Variants in MAX observed in about 807,000 individuals in gnomAD.
MAX encodes the protein MYC associated transcriptional regulator X.
In MAX, 3 loss-of-function variants were observed where a neutral mutation model predicts 22.3. The ratio of observed to expected loss-of-function variants is 0.13; its 90% CI spans 0.06 to 0.35. MAX has a LOEUF of 0.35. MAX is among the 10% of genes least tolerant of loss of function. The pLI is 1.00. For missense variants in MAX, 119 were observed against 209.4 expected (o/e 0.57, Z 2.66); for synonymous variants, 72 against 77.7 (o/e 0.93, Z 0.39).
chr14:65,081,650 A>G (rs1040375147), intron 3 of MAX, among the ~76,000 whole-genome samples: 1 of 152,224 alleles, frequency 6.6e-6, no homozygotes, highest in African/African-American at 2.4e-5. Context: ...AGAACTTGGT[A>G]AGTCAACATG....
intron 3 of MAX, among the ~76,000 whole-genome samples, chr14:65,087,085 C>T (rs2139821909): frequency 6.6e-6 from 1 of 152,290 alleles, no homozygotes; most frequent in South Asian, 2.1e-4. Context: ...TGGTATTGAG[C>T]CTGGGAGTGA....
intron 3 of MAX, among the ~76,000 whole-genome samples, chr14:65,045,419 C>G (rs932812723): frequency 6.9e-6 from 1 of 145,292 alleles, no homozygotes; most frequent in African/African-American, 2.6e-5. Context: ...GTCTTCCCCC[C>G]TCCCCGCCGC....
At chr14:65,038,844 A>G (rs2062276553) in intron 3 of MAX, among the ~76,000 whole-genome samples, 1 of 152,030 alleles carries the variant, frequency 6.6e-6, no homozygotes, top group South Asian at 2.1e-4. Flanking sequence ...TTATTTTTGT[A>G]ATCCTATTTT....
chr14:65,064,135 C>T (rs949521785), intron 3 of MAX, among the ~76,000 whole-genome samples: 8 of 152,170 alleles, frequency 5.3e-5, no homozygotes, highest in Non-Finnish European at 7.3e-5. Flanking sequence ...TAGTTCCACA[C>T]TGCTCTCCCT....
rs1566556363 is a variant in MAX, at chr14:65,030,906, C to G, written c.172-24622G>C. Among the ~76,000 whole-genome samples, 1 of 152,132 alleles carries G rather than the reference C, an allele frequency of 6.6e-6. No homozygotes were observed. The highest frequency in any genetic ancestry group is 1.5e-5 in the Non-Finnish European group (1 of 68,026). On this transcript the variant is annotated intron_variant, in intron 3 of 3. Coordinates refer to the MAX transcript ENST00000341653. The surrounding 1 kb of genome is among the most constrained non-coding windows in gnomAD (Gnocchi z 4.5). ...CACTGCAACCTCTGTCTCTGGGGTTCAAACGATTCTCCTGCCTCGGTCTCC... is the reference window on the plus strand; with the variant it reads ...CACTGCAACCTCTGTCTCTGGGGTTGAAACGATTCTCCTGCCTCGGTCTCC...
At chr14:65,016,122 A>T (rs1003021507) in intron 3 of MAX, among the ~76,000 whole-genome samples, 1 of 152,186 alleles carries the variant, frequency 6.6e-6, no homozygotes, top group Admixed American at 6.5e-5. Context: ...ACGCACCTCT[A>T]TAGAAGTACC....
At chr14:65,064,758 C>G (rs2062914314) in intron 3 of MAX, among the ~76,000 whole-genome samples, 1 of 152,202 alleles carries the variant, frequency 6.6e-6, no homozygotes, top group Non-Finnish European at 1.5e-5. Flanking sequence ...GGGGAAGGAA[C>G]AAAGCTCCAA....
chr14:65,089,273 G>A (rs1308362028), intron 3 of MAX, among the ~76,000 whole-genome samples: 2 of 152,136 alleles, frequency 1.3e-5, no homozygotes, highest in African/African-American at 4.8e-5. Flanking sequence ...ATCTGTGATA[G>A]GAACTGACAG....
rs2062892002 is a variant in MAX at position 65,062,990 on chromosome 14, G to T, written c.171+30718C>A. Among the ~76,000 whole-genome samples, 2 of 152,244 alleles carry T rather than the reference G, an allele frequency of 1.3e-5. No homozygotes were observed. The highest frequency in any genetic ancestry group is 6.5e-5 in the Admixed American group (1 of 15,280). ...GAGCAGGCTGACTTAGCAAGGGTGGGTGGATGTCTGGCCAGAGGCAGGGGC... is the reference window on the plus strand; with the variant it reads ...GAGCAGGCTGACTTAGCAAGGGTGGTTGGATGTCTGGCCAGAGGCAGGGGC... On this transcript the variant is annotated intron_variant, in intron 3 of 3. Coordinates refer to the MAX transcript ENST00000341653. The surrounding 1 kb of genome is among the most constrained non-coding windows in gnomAD (Gnocchi z 4.3).
At chr14:65,006,153 T>C (rs2061583695), downstream of MAX, 3 of 1,579,864 alleles carry the variant, frequency 1.9e-6, no homozygotes, top group South Asian at 1.1e-5. Context: ...GTTACCTTTG[T>C]GTCTTTTTTT....
chr14:65,085,800 G>A (rs933994072), intron 3 of MAX, among the ~76,000 whole-genome samples: 2 of 152,172 alleles, frequency 1.3e-5, no homozygotes, highest in African/African-American at 2.4e-5. Context: ...GAACCCCCAA[G>A]TCACCTGGGC....
Position 65,093,915 on chromosome 14 carries a change from C to A in MAX, c.64-100G>T. The A allele has an allele frequency of 1.3e-6, 1 of 780,572 alleles. No homozygotes were observed. The highest frequency in any genetic ancestry group is 1.8e-5 in the Admixed American group (1 of 55,086). 48.4% of individuals were successfully genotyped at this position (780,572 alleles called of 1,614,324 possible). A position where few individuals can be genotyped will look rare whatever the true frequency, so the allele number is the denominator to read the frequency against. ...TGGAAGTACACGCTGTCAGCACTGT[C>A]CCTGGCGAGTGGACTGGGAAGGATT... On this transcript the variant is annotated intron_variant, in intron 2 of 4. Coordinates refer to ENST00000358664, the MANE Select transcript of MAX (RefSeq NM_002382.5). This position sits in a 1 kb window ranked among gnomAD's most constrained non-coding sequence, Gnocchi z 4.4.
At position 65,102,068 on chromosome 14, in the gene MAX, G is replaced by A. The variant is rs1371378390; in HGVS notation, c.36+236C>T. 2.0e-5 allele frequency among the ~76,000 whole-genome samples: 3 copies of A among 152,194 alleles called. No individual in the cohort carries two copies. In the East Asian group the frequency reaches 5.8e-4, roughly 29 times the overall value. ...GCCGCAGCACCCTCCCGCAAGGGAG[G>A]AGGTGGGGGTCCCAGAAGCCGCGTG... On this transcript the variant is annotated intron_variant, in intron 1 of 4. Coordinates refer to ENST00000358664, the MANE Select transcript of MAX (RefSeq NM_002382.5).
chr14:65,028,417 A>G lies in MAX; in HGVS notation c.172-22133T>C, dbSNP rs879304868. Among the ~76,000 whole-genome samples, 10 of 152,208 alleles carry G rather than the reference A, an allele frequency of 6.6e-5. No individual in the cohort carries two copies. Among genetic ancestry groups the G allele is most frequent in the Non-Finnish European group, 1.3e-4 (9 of 68,036 alleles). On this transcript the variant is annotated intron_variant, in intron 3 of 3. Transcript: ENST00000341653. This position sits in a 1 kb window ranked among gnomAD's most constrained non-coding sequence, Gnocchi z 4.4. ...AATTCATTGAATAAGCCATTTCTCT[A>G]AGACAGTGGCTTATTGAGATTTTAT... is the stretch of plus-strand genomic sequence containing the variant.
chr14:65,043,602 C>G (rs1174544720), intron 3 of MAX, among the ~76,000 whole-genome samples: 1 of 151,846 alleles, frequency 6.6e-6, no homozygotes, highest in Non-Finnish European at 1.5e-5. Context: ...GCGGGTGGAT[C>G]ATGAGGTCAG....
intron 3 of MAX, among the ~76,000 whole-genome samples, chr14:65,060,747 C>A (rs2062845437): frequency 6.8e-6 from 1 of 147,652 alleles, no homozygotes; most frequent in South Asian, 2.2e-4. Flanking sequence ...GTGGCTCACA[C>A]CTGTAATCCC....
intron 2 of MAX, among the ~76,000 whole-genome samples, chr14:65,097,173 T>C (rs556825594): frequency 1.3e-5 from 2 of 152,362 alleles, no homozygotes; most frequent in Non-Finnish European, 2.9e-5. Context: ...CACCTACAAT[T>C]TGTCCATCTT....
chr14:65,009,797 T>C lies in MAX; in HGVS notation c.172-3513A>G, dbSNP rs1185312790. On this transcript the variant is annotated intron_variant, in intron 3 of 3. Transcript: ENST00000341653. The surrounding 1 kb of genome is among the most constrained non-coding windows in gnomAD (Gnocchi z 4.2). ...CATGTCTTTCCAGCCTTAAACTCAA[T>C]GCTCTTCCCTTTGGGAAGAGTTTTC... Among the ~76,000 whole-genome samples the C allele has an allele frequency of 6.6e-6, 1 of 152,198 alleles. No homozygotes were observed. Among genetic ancestry groups the C allele is most frequent in the Non-Finnish European group, 1.5e-5 (1 of 68,036 alleles).
In MAX at chr14:65,054,828, C is replaced by A. The variant is rs2062695136; in HGVS notation, c.171+38880G>T. 1.1e-6 allele frequency: 1 copy of A among 946,410 alleles called. No homozygotes were observed. Among genetic ancestry groups the A allele is most frequent in the African/African-American group, 1.6e-5 (1 of 61,046 alleles). The allele number at this position is 946,410 out of a possible 1,614,324, so 58.6% of individuals were successfully genotyped here. ...TGGTCCCTCTGCCCTTCGAGCTGTG[C>A]AGCCGTTAGTGAGGATGTGACCACA... On this transcript the variant is annotated intron_variant, in intron 3 of 3. Coordinates refer to the MAX transcript ENST00000341653. This position sits in a 1 kb window ranked among gnomAD's most constrained non-coding sequence, Gnocchi z 4.4.
Sources: allele counts gnomAD v4.1 joint callset (sites outside exome capture counted in the v4.1 genomes callset), GRCh38; gene constraint gnomAD v4.1.1; non-coding constraint Gnocchi (gnomAD v3.1); transcripts MANE v1.5; gene names NCBI Gene and HGNC (gene_info 2026-07-23, HGNC 2026-07-21).